The following IBTK variants were observed in gnomAD, a reference collection of about 807,000 sequenced individuals.
The protein encoded by IBTK is inhibitor of Bruton tyrosine kinase.
IBTK carries 83 observed loss-of-function variants against 154.9 expected under a neutral mutation model. That is an observed-to-expected ratio of 0.54 (90% confidence interval 0.45 to 0.64). IBTK has a LOEUF of 0.64. Ranked by LOEUF, IBTK falls within the 30% of genes least tolerant of loss-of-function variation. IBTK has a pLI of 0.00. For synonymous variants in IBTK, 515 were observed against 536.1 expected (o/e 0.96, Z 0.54); for missense variants, 1,332 against 1,584.6 (o/e 0.84, Z 2.71).
chr6:82,218,427 A>G (rs746394198), intron 9 of IBTK, among the ~76,000 whole-genome samples: 3 of 152,222 alleles, frequency 2.0e-5, no homozygotes, highest in Admixed American at 6.5e-5. Flanking sequence ...TAGGGCAAAC[A>G]GATGTGCTAC....
chr6:82,195,572 C>A (rs2127805150), intron 22 of IBTK, among the ~76,000 whole-genome samples: 3 of 151,804 alleles, frequency 2.0e-5, no homozygotes, highest in East Asian at 3.9e-4. Context: ...GAGTGAGAGA[C>A]CCTGTCTCAA....
chr6:82,214,928 A>G (rs6912968), intron 11 of IBTK, 99 bp from the exon 12 acceptor site: 886,138 of 1,277,212 alleles, frequency 0.69, 310,972 homozygotes, highest in East Asian at 0.96. Flanking sequence ...TTTTTTAACA[A>G]TATTTAGAAA....
intron 2 of IBTK, among the ~76,000 whole-genome samples, chr6:82,236,001 G>A (rs375922726): frequency 2.0e-5 from 3 of 152,062 alleles, no homozygotes; most frequent in African/African-American, 4.8e-5. Context: ...AGCCTCCCCC[G>A]TAGCTGGGAT....
chr6:82,176,521 C>CAAAAAAAAAA (rs749153646), intron 26 of IBTK, among the ~76,000 whole-genome samples: 1 of 61,484 alleles, frequency 1.6e-5, no homozygotes, highest in Non-Finnish European at 3.3e-5. Context: ...GAGTCCGTCT[C>CAAAAAAAAAA]AAAAAAAAAA....
Position 82,216,173 on chromosome 6 carries a change from GAA to G in IBTK, c.1502_1503del (p.Ile501ThrfsTer3), listed in dbSNP as rs1769865812. The G allele has an allele frequency of 1.9e-6, 3 of 1,612,262 alleles. No individual in the cohort carries two copies. Among genetic ancestry groups the G allele is most frequent in the Non-Finnish European group, 2.5e-6 (3 of 1,178,704 alleles). On this transcript the variant is annotated frameshift_variant, in exon 11 of 29. Coordinates refer to ENST00000306270, the MANE Select transcript of IBTK (RefSeq NM_015525.4). LOFTEE classifies it high-confidence loss of function. ...TGTGCAAAGGTAAGTTTCTCAAGTCGAATTCTTTCATACACACTATTTATATC... is the reference window on the plus strand; with the variant it reads ...TGTGCAAAGGTAAGTTTCTCAAGTCGTTCTTTCATACACACTATTTATATC... ...VSDINSVYERIRLEKLTFAHR... is the reference protein window; with the variant it reads ...VSDINSVYERXRLEKLTFAHR...
chr6:82,196,297 C>A lies in IBTK; in HGVS notation c.3174+1G>T, dbSNP rs907243153. ...AGGAGGTAGTGCTTCAAAAAACAAA[C>A]CTCAATCTTATCTGAATGAAATCCT... is the stretch of plus-strand genomic sequence containing the variant. On this transcript the variant is annotated splice_donor_variant, in intron 22 of 28. Transcript: ENST00000306270. LOFTEE classifies it high-confidence loss of function. 6 of 1,597,338 alleles carry A rather than the reference C, an allele frequency of 3.8e-6. No individual in the cohort carries two copies. The highest frequency in any genetic ancestry group is 4.3e-6 in the Non-Finnish European group (5 of 1,173,474).
In IBTK at chr6:82,218,033, T is replaced by C. The variant is rs1392751261; in HGVS notation, c.1353A>G (p.Leu451=). The C allele has an allele frequency of 3.1e-6, 5 of 1,612,380 alleles. No homozygotes were observed. The Admixed American group carries it at 5.0e-5, about 16-fold the overall frequency. The change falls in exon 10 of 29, where the codon CTA becomes CTG. Residue 451 remains leucine, a synonymous_variant. Transcript: ENST00000306270. ...ATCCTTCTCCATCTTGCGTAACAAA[T>C]AGAATTTCATTTCTATTTAAAGCAA... The part of the protein sequence containing the change: ...SDIALNRNEI[L]FVTQDGEGFR...
chr6:82,235,909 T>C (rs1399294945), intron 2 of IBTK, among the ~76,000 whole-genome samples: 3 of 152,284 alleles, frequency 2.0e-5, no homozygotes, highest in Admixed American at 6.5e-5. Flanking sequence ...AGTCTTGCTC[T>C]GTCACCCAGG....
intron 25 of IBTK, among the ~76,000 whole-genome samples, chr6:82,184,934 C>A (rs1382128957): frequency 6.6e-6 from 1 of 152,032 alleles, no homozygotes; most frequent in African/African-American, 2.4e-5. Flanking sequence ...GTAATCCCAG[C>A]ACTTTGGGAG....
intron 4 of IBTK, among the ~76,000 whole-genome samples, chr6:82,228,623 A>G (rs1770381529): frequency 6.7e-6 from 1 of 149,988 alleles, no homozygotes; most frequent in South Asian, 2.1e-4. Context: ...AAAACCCCAG[A>G]CTTTTTTTTT....
chr6:82,219,366 A>G (rs148939943), intron 9 of IBTK, among the ~76,000 whole-genome samples: 1 of 152,312 alleles, frequency 6.6e-6, no homozygotes, highest in African/African-American at 2.4e-5. Flanking sequence ...GTGGAGCTTT[A>G]TGATTAATTC....
intron 10 of IBTK, 129 bp downstream of exon 10, chr6:82,217,831 A>T: frequency 1.7e-6 from 1 of 579,218 alleles, no homozygotes; most frequent in Non-Finnish European, 2.8e-6. Flanking sequence ...AACAGGCATT[A>T]AAAAACTAAT....
At chr6:82,215,911 C>A (rs1313677389) in intron 11 of IBTK, among the ~76,000 whole-genome samples, 165 bp downstream of exon 11, 1 of 151,926 alleles carries the variant, frequency 6.6e-6, no homozygotes, top group Non-Finnish European at 1.5e-5. Context: ...ACAAATTCTA[C>A]CTCTGGATTA....
chr6:82,200,752 AGTTTTT>A, intron 19 of IBTK, 44 bp from the exon 20 acceptor site: 15 of 501,256 alleles, frequency 3.0e-5, no homozygotes, highest in East Asian at 7.1e-5. Context: ...AAATCTGTGA[AGTTTTT>A]TTTTTTTTTT....
chr6:82,233,721 T>G (rs1341132252), intron 3 of IBTK, among the ~76,000 whole-genome samples: 2 of 148,606 alleles, frequency 1.3e-5, no homozygotes, highest in Non-Finnish European at 3.0e-5. Flanking sequence ...GTTTTTTTTT[T>G]TTTTTTTTTT....
In IBTK at chr6:82,170,214, T is replaced by G. The variant is rs1767885993; in HGVS notation, c.*1211A>C. ...CTTTCCATAATAAATGTCAATATAG[T>G]AAAAAATGTCAAGCACACATTAGTG... On this transcript the variant is annotated 3_prime_UTR_variant, in exon 29 of 29. Transcript: ENST00000306270. 1 of 152,588 alleles carries G rather than the reference T, an allele frequency of 6.6e-6. No homozygotes were observed. Among genetic ancestry groups the G allele is most frequent in the Non-Finnish European group, 1.5e-5 (1 of 68,032 alleles). 9.5% of individuals were successfully genotyped at this position (152,588 alleles called of 1,614,324 possible).
At chr6:82,203,485 T>C (rs1769289050) in intron 17 of IBTK, among the ~76,000 whole-genome samples, 1 of 152,144 alleles carries the variant, frequency 6.6e-6, no homozygotes, top group African/African-American at 2.4e-5. Flanking sequence ...TCAATAATGG[T>C]CTCTGTCTCA....
intron 25 of IBTK, among the ~76,000 whole-genome samples, chr6:82,186,150 C>T (rs1319217725): frequency 6.6e-6 from 1 of 152,152 alleles, no homozygotes; most frequent in Non-Finnish European, 1.5e-5. Context: ...CTGACTGTTA[C>T]ACCAATTGGC....
intron 16 of IBTK, 182 bp from the exon 17 acceptor site, chr6:82,205,140 A>C: frequency 2.5e-6 from 1 of 405,546 alleles, no homozygotes. Flanking sequence ...AACCATAATA[A>C]AAAGTAAATA....
Sources: allele counts gnomAD v4.1 joint callset (sites outside exome capture counted in the v4.1 genomes callset), GRCh38; gene constraint gnomAD v4.1.1; transcripts MANE v1.5; gene names NCBI Gene and HGNC (gene_info 2026-07-23, HGNC 2026-07-21).